SMTNL2: variants seen among roughly 807,000 people sequenced by gnomAD.
The protein encoded by SMTNL2 is smoothelin like 2.
Under a neutral mutation model 44.1 loss-of-function variants are expected in SMTNL2, and 43 were observed. The observed-to-expected ratio is 0.98, with a 90% CI of 0.76 to 1.26. SMTNL2 has a LOEUF of 1.26. Ranked by LOEUF, SMTNL2 falls within the 50% of genes most tolerant of loss-of-function variation. The pLI, the probability that SMTNL2 is intolerant of heterozygous loss-of-function variation, is 0.00. For missense variants in SMTNL2, 646 were observed against 670.2 expected (o/e 0.96, Z 0.40); for synonymous variants, 317 against 287.6 (o/e 1.10, Z -1.03).
Position 4,595,359 on chromosome 17 carries a change from C to T in SMTNL2, c.989+32C>T, listed in dbSNP as rs1223636853. 1 of 1,602,862 alleles carries T rather than the reference C, an allele frequency of 6.2e-7. No individual in the cohort carries two copies. The highest frequency in any genetic ancestry group is 8.5e-7 in the Non-Finnish European group (1 of 1,173,922). On this transcript the variant is annotated intron_variant, in intron 5 of 7. Coordinates refer to ENST00000389313, the MANE Select transcript of SMTNL2 (RefSeq NM_001114974.2). The surrounding 1 kb of genome is among the most constrained non-coding windows in gnomAD (Gnocchi z 5.1). ...ATGCCCACTCACAGACAGGCCCGGC[C>T]CCACGGTGTGCCCAGACCCAGACGG...
chr17:4,585,112 C>A, intron 1 of SMTNL2, 108 bp downstream of exon 1: 1 of 1,200,486 alleles, frequency 8.3e-7, no homozygotes, highest in Non-Finnish European at 1.0e-6. Flanking sequence ...GGGGTTGGGG[C>A]CTTCACCGGC....
intron 7 of SMTNL2, among the ~76,000 whole-genome samples, chr17:4,606,761 T>A (rs1442042250): frequency 4.6e-5 from 7 of 151,246 alleles, no homozygotes; most frequent in African/African-American, 1.7e-4. Context: ...AAAAAAAAAA[T>A]TAGCCAGGCG....
Position 4,592,582 on chromosome 17 carries a change from G to C in SMTNL2, c.487+134G>C. 1.2e-6 allele frequency: 1 copy of C among 813,660 alleles called. No homozygotes were observed. Among genetic ancestry groups the C allele is most frequent in the Non-Finnish European group, 1.9e-6 (1 of 526,456 alleles). The allele number at this position is 813,660 out of a possible 1,614,324, so 50.4% of individuals were successfully genotyped here. ...TATCCTGAACCCCAGCAGGGAGAGA[G>C]GCTGCCAGGAGAGCAGCGTCATTCA... On this transcript the variant is annotated intron_variant, in intron 2 of 7. Transcript: ENST00000389313. The surrounding 1 kb of genome is among the most constrained non-coding windows in gnomAD (Gnocchi z 4.5).
chr17:4,603,848 C>A (rs1055317159), intron 7 of SMTNL2, among the ~76,000 whole-genome samples: 7 of 151,660 alleles, frequency 4.6e-5, no homozygotes, highest in African/African-American at 1.7e-4. Context: ...CTTTTCTTTC[C>A]TTTTTTTTCC....
chr17:4,604,068 C>T (rs1910161025), intron 7 of SMTNL2, among the ~76,000 whole-genome samples: 1 of 152,190 alleles, frequency 6.6e-6, no homozygotes, highest in African/African-American at 2.4e-5. Flanking sequence ...TGGTCTCCAA[C>T]TCCTGACCTC....
Position 4,584,864 on chromosome 17 carries a change from G to A in SMTNL2, c.259G>A (p.Ala87Thr). ...GCGCCAGGTGGAGGCGCTGGGCTTG[G>A]CCAGCGGGATGTCCCCGGTGCCCGG... The part of the protein sequence containing the change: ...LTRQVEALGL[A>T]SGMSPVPGTP... Residue 87 changes from alanine (A) to threonine (T), a missense_variant, in exon 1 of 8, where the codon GCC becomes ACC. Coordinates refer to ENST00000389313, the MANE Select transcript of SMTNL2 (RefSeq NM_001114974.2). 1 of 1,315,212 alleles carries A rather than the reference G, an allele frequency of 7.6e-7. No individual in the cohort carries two copies. Among genetic ancestry groups the A allele is most frequent in the South Asian group, 2.0e-5 (1 of 49,382 alleles). The allele number at this position is 1,315,212 out of a possible 1,614,324, so 81.5% of individuals were successfully genotyped here.
intron 4 of SMTNL2, 35 bp downstream of exon 4, chr17:4,593,932 C>A (rs114265474): frequency 6.2e-7 from 1 of 1,607,720 alleles, no homozygotes; most frequent in Non-Finnish European, 8.5e-7. Flanking sequence ...GGGGTCGCTG[C>A]GCCCCAGGTG....
Position 4,607,478 on chromosome 17 carries a change from C to A in SMTNL2, c.1377C>A (p.Arg459=). The change falls in exon 8 of 8, where the codon CGC becomes CGA. Residue 459 remains arginine (R), a synonymous_variant. Coordinates refer to ENST00000389313, the MANE Select transcript of SMTNL2 (RefSeq NM_001114974.2). This position sits in a 1 kb window ranked among gnomAD's most constrained non-coding sequence, Gnocchi z 4.7. ...AGTCGCTGTACAACCACCTGCGTCG[C>A]TTCGAGTAAAGCCCCTGAGCCTGGA... ...YVQSLYNHLR[R]FE The A allele has an allele frequency of 1.2e-6, 2 of 1,614,150 alleles. No individual in the cohort carries two copies. Among genetic ancestry groups the A allele is most frequent in the Non-Finnish European group, 1.7e-6 (2 of 1,179,982 alleles).
Position 4,600,876 on chromosome 17 carries a change from G to A in SMTNL2, c.1259+3553G>A, listed in dbSNP as rs1484961329. Among the ~76,000 whole-genome samples, 1 of 152,188 alleles carries A rather than the reference G, an allele frequency of 6.6e-6. No homozygotes were observed. The highest frequency in any genetic ancestry group is 1.5e-5 in the Non-Finnish European group (1 of 68,032). ...AGAAGGGCCTTCCAGGCTATTTGTA[G>A]TGCCCATGTGTCTCTGTCTAAAACC... On this transcript the variant is annotated intron_variant, in intron 7 of 7. Transcript: ENST00000389313. This position sits in a 1 kb window ranked among gnomAD's most constrained non-coding sequence, Gnocchi z 4.7.
chr17:4,599,739 G>T (rs886950260), intron 7 of SMTNL2, among the ~76,000 whole-genome samples: 1 of 152,220 alleles, frequency 6.6e-6, no homozygotes, highest in African/African-American at 2.4e-5. Flanking sequence ...GAGCGATTCC[G>T]GGCTGTGCTT....
intron 1 of SMTNL2, among the ~76,000 whole-genome samples, chr17:4,587,326 G>A (rs77700487): frequency 0.015 from 2,254 of 152,274 alleles, 55 homozygotes; most frequent in African/African-American, 0.052. Context: ...GCTGACCCCC[G>A]AAGCACCAAT....
rs200559913 is a variant in SMTNL2, at chr17:4,607,388, C to A, written c.1287C>A (p.Ile429=). 3.7e-6 allele frequency: 6 copies of A among 1,614,148 alleles called. No homozygotes were observed. In the Middle Eastern group the frequency reaches 8.2e-4, roughly 222 times the overall value. ...AENLANCERL[I]EVEDMMVMGR... is the part of the protein sequence containing the mutation. The stretch of plus-strand genomic sequence containing the variant: ...ATCTGGCCAACTGTGAGCGCCTCAT[C>A]GAAGTGGAGGACATGATGGTGATGG... The change falls in exon 8 of 8, where the codon ATC becomes ATA. Residue 429 remains isoleucine (I), a synonymous_variant. Coordinates refer to ENST00000389313, the MANE Select transcript of SMTNL2 (RefSeq NM_001114974.2). This position sits in a 1 kb window ranked among gnomAD's most constrained non-coding sequence, Gnocchi z 4.7.
At chr17:4,599,070 T>C (rs1020500819) in intron 7 of SMTNL2, among the ~76,000 whole-genome samples, 5 of 152,138 alleles carry the variant, frequency 3.3e-5, no homozygotes, top group Non-Finnish European at 5.9e-5. Context: ...TGCCCCTCTC[T>C]GGGGCAGCAA....
At chr17:4,596,495 C>A (rs1259206435) in intron 5 of SMTNL2, among the ~76,000 whole-genome samples, 1 of 152,210 alleles carries the variant, frequency 6.6e-6, no homozygotes, top group East Asian at 1.9e-4. Flanking sequence ...GAGGAAGGAG[C>A]TGGGAAAGGT....
At position 4,598,162 on chromosome 17, in the gene SMTNL2, T is replaced by C. The variant is rs1909894583; in HGVS notation, c.1259+839T>C. Among the ~76,000 whole-genome samples, 1 of 152,160 alleles carries C rather than the reference T, an allele frequency of 6.6e-6. No individual in the cohort carries two copies. Among genetic ancestry groups the C allele is most frequent in the Non-Finnish European group, 1.5e-5 (1 of 68,024 alleles). Reference sequence around the variant, plus strand: ...TGATAAGAGCTGCGCTTTGGGCAAATGGTTGCAGTCAGCTCGCTGCGACCT... The same window carrying C: ...TGATAAGAGCTGCGCTTTGGGCAAACGGTTGCAGTCAGCTCGCTGCGACCT... On this transcript the variant is annotated intron_variant, in intron 7 of 7. Transcript: ENST00000389313. This position sits in a 1 kb window ranked among gnomAD's most constrained non-coding sequence, Gnocchi z 4.8.
At chr17:4,587,847 C>G (rs1311600149) in intron 1 of SMTNL2, among the ~76,000 whole-genome samples, 1 of 152,228 alleles carries the variant, frequency 6.6e-6, no homozygotes, top group Non-Finnish European at 1.5e-5. Context: ...GAGCTGAGAG[C>G]CAGCTTGGGG....
chr17:4,586,941 A>T (rs7210437), intron 1 of SMTNL2, among the ~76,000 whole-genome samples: 5 of 151,916 alleles, frequency 3.3e-5, no homozygotes, highest in South Asian at 2.1e-4. Flanking sequence ...CTCCAGGTGA[A>T]GCTGTCCCAG....
chr17:4,604,057 A>C (rs1910160428), intron 7 of SMTNL2, among the ~76,000 whole-genome samples: 1 of 152,104 alleles, frequency 6.6e-6, no homozygotes, highest in Non-Finnish European at 1.5e-5. Flanking sequence ...GTTAGCCAGG[A>C]TGGTCTCCAA....
At chr17:4,604,174 C>T (rs968683074) in intron 7 of SMTNL2, among the ~76,000 whole-genome samples, 13 of 152,122 alleles carry the variant, frequency 8.5e-5, no homozygotes, top group African/African-American at 2.7e-4. Flanking sequence ...GCTTTATCAT[C>T]GACAAAGCAC....
Sources: gnomAD v4.1 joint callset for allele counts (sites outside exome capture counted in the v4.1 genomes callset) on GRCh38, gnomAD v4.1.1 for gene constraint, Gnocchi (gnomAD v3.1) non-coding constraint, MANE v1.5 for transcripts, NCBI Gene and HGNC (gene_info 2026-07-23, HGNC 2026-07-21) for gene names.